TNRC6A: variants seen among roughly 807,000 people sequenced by gnomAD.
TNRC6A encodes trinucleotide repeat containing adaptor 6A.
Under a neutral mutation model 221.2 loss-of-function variants are expected in TNRC6A, and 44 were observed. The ratio of observed to expected loss-of-function variants is 0.20; its 90% CI spans 0.16 to 0.26. TNRC6A has a LOEUF of 0.26. TNRC6A is among the 10% of genes least tolerant of loss of function. TNRC6A has a pLI of 1.00. For missense variants in TNRC6A, 2,199 were observed against 2,404.4 expected (o/e 0.91, Z 1.79); for synonymous variants, 847 against 838.5 (o/e 1.01, Z -0.18).
Position 24,823,548 on chromosome 16 carries a change from C to T in TNRC6A, c.5630C>T (p.Ser1877Phe). The stretch of plus-strand genomic sequence containing the variant: ...TCTCCCGGCTGGCAGTCTCTCGGGT[C>T]CAGCCAGAGCCGGCTGGGCTCCCTC... ...TPSPGWQSLG[S>F]SQSRLGSLDC... Residue 1877 changes from serine to phenylalanine, a missense_variant, in exon 25 of 25, where the codon TCC (serine) becomes TTC (phenylalanine). This residue lies in a region of TNRC6A where 130 missense variants were observed against 121.7 expected (regional missense o/e 1.07). Transcript: ENST00000395799. This position sits in a 1 kb window ranked among gnomAD's most constrained non-coding sequence, Gnocchi z 4.3. 6.2e-7 allele frequency: 1 copy of T among 1,614,150 alleles called. No individual in the cohort carries two copies. Among genetic ancestry groups the T allele is most frequent in the South Asian group, 1.1e-5 (1 of 91,078 alleles).
chr16:24,793,423 C>A, intron 6 of TNRC6A, 50 bp from the exon 7 acceptor site: 1 of 1,318,766 alleles, frequency 7.6e-7, no homozygotes, highest in Non-Finnish European at 9.8e-7. Flanking sequence ...TATTCCACTG[C>A]ACCTCCTTAC....
At chr16:24,736,123 C>T (rs1189616064) in intron 2 of TNRC6A, among the ~76,000 whole-genome samples, 2 of 152,164 alleles carry the variant, frequency 1.3e-5, no homozygotes, top group Non-Finnish European at 2.9e-5. Context: ...CGAAATTGCG[C>T]CATTGCACTC....
In TNRC6A at chr16:24,806,614, C is replaced by G; in HGVS notation, c.4370C>G (p.Ser1457Cys). 6.2e-7 allele frequency: 1 copy of G among 1,614,218 alleles called. No homozygotes were observed. Among genetic ancestry groups the G allele is most frequent in the Non-Finnish European group, 8.5e-7 (1 of 1,180,036 alleles). Residue 1457 changes from serine (S) to cysteine (C), a missense_variant, in exon 17 of 25, where the codon TCT becomes TGT. Around this residue, in one of 8 missense-constraint regions of TNRC6A, gnomAD observed 449 missense variants for 579.7 expected, o/e 0.77. Coordinates refer to ENST00000395799, the MANE Select transcript of TNRC6A (RefSeq NM_014494.4). ...LSVQQQMMQQ[S>C]RQLDPNLLVK... ...GTGCAGCAGCAAATGATGCAACAAT[C>G]TCGTCAACTTGATCCAAACCTGTTG...
chr16:24,698,325 A>G (rs751809323), intron 2 of TNRC6A, among the ~76,000 whole-genome samples: 11 of 152,102 alleles, frequency 7.2e-5, no homozygotes, highest in Non-Finnish European at 1.5e-4. Flanking sequence ...TCCAAGCAAT[A>G]TACATAGGCT....
At chr16:24,786,778 C>T (rs939107145) in intron 5 of TNRC6A, among the ~76,000 whole-genome samples, 34 of 150,532 alleles carry the variant, frequency 2.3e-4, no homozygotes, top group Non-Finnish European at 4.9e-4. Flanking sequence ...TCTGCCTCCG[C>T]GGTTTAAGCA....
chr16:24,819,019 A>G (rs1001749380), intron 21 of TNRC6A, among the ~76,000 whole-genome samples: 5 of 152,104 alleles, frequency 3.3e-5, no homozygotes, highest in Admixed American at 1.3e-4. Context: ...AAAAATGCCA[A>G]TCCTCATAGA....
At chr16:24,726,535 CA>C (rs543479655), upstream of TNRC6A, among the ~76,000 whole-genome samples, 63 of 152,200 alleles carry the variant, frequency 4.1e-4, no homozygotes, top group South Asian at 5.2e-3. Context: ...TTGGCACCCT[CA>C]AAGTCATTTG....
intron 2 of TNRC6A, among the ~76,000 whole-genome samples, chr16:24,642,460 G>C (rs1336239404): frequency 6.6e-6 from 1 of 152,102 alleles, no homozygotes; most frequent in Non-Finnish European, 1.5e-5. Flanking sequence ...GCATCAAATA[G>C]GGACAAAGGC....
intron 2 of TNRC6A, among the ~76,000 whole-genome samples, chr16:24,744,516 C>T (rs781242707): frequency 5.3e-5 from 8 of 152,148 alleles, no homozygotes; most frequent in Non-Finnish European, 1.0e-4. Context: ...TCATTCATAT[C>T]AGTATGGACC....
chr16:24,762,866 A>G lies in TNRC6A; in HGVS notation c.163+4506A>G, dbSNP rs531755129. On this transcript the variant is annotated intron_variant, in intron 4 of 24. Transcript: ENST00000395799. ...GAAGACAAGATGTGAAGGACACACC[A>G]TTGCTCATGCTGCAACAGTAGTCAC... Among the ~76,000 whole-genome samples, 82 of 152,340 alleles carry G rather than the reference A, an allele frequency of 5.4e-4. 1 individual carries two copies. The highest frequency in any genetic ancestry group is 4.6e-3 in the South Asian group (22 of 4,826).
chr16:24,610,864 G>A (rs1471647822), intron 1 of TNRC6A, among the ~76,000 whole-genome samples: 1 of 151,960 alleles, frequency 6.6e-6, no homozygotes, highest in Non-Finnish European at 1.5e-5. Context: ...AGGCTGGAGT[G>A]CAGTGGCGCA....
At chr16:24,613,129 A>G (rs1900147999) in intron 1 of TNRC6A, among the ~76,000 whole-genome samples, 2 of 150,816 alleles carry the variant, frequency 1.3e-5, no homozygotes, top group African/African-American at 4.9e-5. Flanking sequence ...AAAAAAAAAA[A>G]AAAAAAAAAA....
At chr16:24,770,818 T>A (rs2057575074) in intron 4 of TNRC6A, among the ~76,000 whole-genome samples, 1 of 152,232 alleles carries the variant, frequency 6.6e-6, no homozygotes, top group Non-Finnish European at 1.5e-5. Context: ...GCATCCCGTG[T>A]GTGCATATTC....
intron 2 of TNRC6A, among the ~76,000 whole-genome samples, chr16:24,687,942 TTCTTTTCTTTTC>T (rs2055672653): frequency 8.0e-6 from 1 of 125,686 alleles, no homozygotes. Flanking sequence ...TTCTTTTCTT[TTCTTTTCTTTTC>T]TTTTTTTTTT....
chr16:24,767,764 C>T (rs2057504546), intron 4 of TNRC6A, among the ~76,000 whole-genome samples: 1 of 152,104 alleles, frequency 6.6e-6, no homozygotes, highest in African/African-American at 2.4e-5. Context: ...TAATTTATAT[C>T]TTCAGTGATT....
chr16:24,787,344 C>G (rs749302299), intron 5 of TNRC6A, among the ~76,000 whole-genome samples: 14 of 152,156 alleles, frequency 9.2e-5, no homozygotes, highest in Non-Finnish European at 1.8e-4. Flanking sequence ...CGAATCCTGC[C>G]TTTCTCACTT....
chr16:24,765,755 G>A (rs1293823545), intron 4 of TNRC6A, among the ~76,000 whole-genome samples: 1 of 152,062 alleles, frequency 6.6e-6, no homozygotes, highest in Non-Finnish European at 1.5e-5. Flanking sequence ...CACTTTCATG[G>A]GAAATAGTTA....
intron 1 of TNRC6A, among the ~76,000 whole-genome samples, chr16:24,617,137 G>A (rs929160187): frequency 2.0e-5 from 3 of 148,730 alleles, no homozygotes; most frequent in African/African-American, 7.5e-5. Context: ...TTTTTTGGCA[G>A]GTTGTGGGGA....
At chr16:24,719,132 T>C (rs1447671447) in intron 2 of TNRC6A, among the ~76,000 whole-genome samples, 1 of 152,020 alleles carries the variant, frequency 6.6e-6, no homozygotes, top group Non-Finnish European at 1.5e-5. Context: ...GGGCCTAATA[T>C]GTACTAGGCA....
Sources: gnomAD v4.1 joint callset for allele counts (sites outside exome capture counted in the v4.1 genomes callset) on GRCh38, gnomAD v4.1.1 for gene constraint, gnomAD v4.1.1 regional missense constraint, Gnocchi (gnomAD v3.1) non-coding constraint, MANE v1.5 for transcripts, NCBI Gene and HGNC (gene_info 2026-07-23, HGNC 2026-07-21) for gene names.